SLC8A1: variants seen among roughly 807,000 people sequenced by gnomAD.
SLC8A1 encodes solute carrier family 8 member A1, also known as sodium/calcium exchanger 1.
SLC8A1 carries 18 observed loss-of-function variants against 68.3 expected under a neutral mutation model. The ratio of observed to expected loss-of-function variants is 0.26; its 90% CI spans 0.18 to 0.39. SLC8A1 has a LOEUF of 0.39. Ranked by LOEUF, SLC8A1 falls within the 10% of genes least tolerant of loss-of-function variation. The pLI, the probability that SLC8A1 is intolerant of heterozygous loss-of-function variation, is 1.00. For missense variants in SLC8A1, 985 were observed against 1,156.7 expected (o/e 0.85, Z 2.15); for synonymous variants, 475 against 415.5 (o/e 1.14, Z -1.74).
At chr2:40,466,719 A>G (rs1309501438) in intron 1 of SLC8A1, among the ~76,000 whole-genome samples, 1 of 152,132 alleles carries the variant, frequency 6.6e-6, no homozygotes, top group Non-Finnish European at 1.5e-5. Flanking sequence ...ATATTATAAT[A>G]CCTAATAATT....
intron 2 of SLC8A1, among the ~76,000 whole-genome samples, chr2:40,211,075 T>G (rs533165133): frequency 1.3e-3 from 201 of 152,308 alleles, no homozygotes; most frequent in African/African-American, 4.6e-3. Flanking sequence ...ATAATTGTTA[T>G]GTCAAGTTCA....
chr2:40,337,698 A>G (rs891043751), intron 2 of SLC8A1, among the ~76,000 whole-genome samples: 15 of 152,152 alleles, frequency 9.9e-5, no homozygotes, highest in African/African-American at 3.6e-4. Flanking sequence ...ACACTCCTAT[A>G]TTCCTACTTA....
intron 2 of SLC8A1, among the ~76,000 whole-genome samples, chr2:40,197,026 T>A (rs2053181339): frequency 6.6e-6 from 1 of 152,064 alleles, no homozygotes; most frequent in Non-Finnish European, 1.5e-5. Flanking sequence ...TTGTATAATT[T>A]TCCATTAGAA....
chr2:40,326,900 T>C (rs1319471601), intron 2 of SLC8A1, among the ~76,000 whole-genome samples: 2 of 152,190 alleles, frequency 1.3e-5, no homozygotes, highest in Non-Finnish European at 2.9e-5. Flanking sequence ...TGCAGAGGTA[T>C]TGATCCCAAG....
chr2:40,471,728 G>A (rs1001782041), intron 1 of SLC8A1, among the ~76,000 whole-genome samples: 3 of 152,150 alleles, frequency 2.0e-5, no homozygotes, highest in African/African-American at 7.2e-5. Flanking sequence ...AATGATTAAT[G>A]CAATTGCAAT....
intron 7 of SLC8A1, among the ~76,000 whole-genome samples, chr2:40,132,206 C>T (rs1384730806): frequency 6.6e-6 from 1 of 151,586 alleles, no homozygotes; most frequent in African/African-American, 2.4e-5. Context: ...AAAATAAGTC[C>T]AAGATGGCAC....
chr2:40,177,235 A>G (rs1189698232), intron 3 of SLC8A1, among the ~76,000 whole-genome samples: 1 of 152,162 alleles, frequency 6.6e-6, no homozygotes, highest in East Asian at 1.9e-4. Context: ...CTTTGTTCTT[A>G]TTAAATATTT....
At chr2:40,507,589 A>G (rs1706451125) in intron 1 of SLC8A1, among the ~76,000 whole-genome samples, 1 of 152,024 alleles carries the variant, frequency 6.6e-6, no homozygotes, top group Non-Finnish European at 1.5e-5. Context: ...TTTAAAAGGC[A>G]CGGAAATGAC....
intron 2 of SLC8A1, among the ~76,000 whole-genome samples, chr2:40,350,305 G>C (rs1670655524): frequency 2.6e-5 from 4 of 151,956 alleles, no homozygotes. Flanking sequence ...AGCAAATGGA[G>C]ACTCTGTCTC....
chr2:40,173,240 G>C (rs1279423380), intron 4 of SLC8A1, among the ~76,000 whole-genome samples: 1 of 152,020 alleles, frequency 6.6e-6, no homozygotes, highest in East Asian at 1.9e-4. Flanking sequence ...TGTTTACAAG[G>C]GGACTTCAAG....
chr2:40,115,849 G>C (rs536628361), intron 7 of SLC8A1, among the ~76,000 whole-genome samples: 95 of 152,342 alleles, frequency 6.2e-4, no homozygotes, highest in African/African-American at 2.1e-3. Flanking sequence ...AATGGACTGA[G>C]CAAGTGATCT....
At chr2:40,118,914 C>T (rs2036162174) in intron 7 of SLC8A1, among the ~76,000 whole-genome samples, 1 of 152,180 alleles carries the variant, frequency 6.6e-6, no homozygotes, top group East Asian at 1.9e-4. Context: ...CACTGGACTT[C>T]CTGGGTATCC....
At chr2:40,439,018 G>T (rs1216965802) in intron 1 of SLC8A1, among the ~76,000 whole-genome samples, 3 of 152,074 alleles carry the variant, frequency 2.0e-5, no homozygotes, top group African/African-American at 7.2e-5. Context: ...TAATATGTCA[G>T]CTGTGCTTTC....
intron 2 of SLC8A1, among the ~76,000 whole-genome samples, chr2:40,216,599 A>G (rs1478030445): frequency 6.6e-6 from 1 of 152,184 alleles, no homozygotes; most frequent in Non-Finnish European, 1.5e-5. Context: ...CAATGGCTGA[A>G]CTAATTTAAA....
intron 2 of SLC8A1, among the ~76,000 whole-genome samples, chr2:40,220,876 A>G (rs2058231866): frequency 6.7e-6 from 1 of 150,100 alleles, no homozygotes; most frequent in African/African-American, 2.4e-5. Context: ...TTTTTTCTTC[A>G]AAAAAAAAGT....
intron 2 of SLC8A1, among the ~76,000 whole-genome samples, chr2:40,354,373 T>G (rs1230249001): frequency 8.5e-6 from 1 of 117,210 alleles, no homozygotes; most frequent in East Asian, 2.2e-4. Context: ...AAGAGCTATT[T>G]CTTTACCTTC....
At chr2:40,352,032 C>G (rs1197821434) in intron 2 of SLC8A1, among the ~76,000 whole-genome samples, 2 of 152,058 alleles carry the variant, frequency 1.3e-5, no homozygotes, top group Non-Finnish European at 2.9e-5. Context: ...TTTTTAAAAC[C>G]AATGGACGTT....
intron 2 of SLC8A1, among the ~76,000 whole-genome samples, chr2:40,312,001 C>G (rs1294778901): frequency 6.6e-6 from 1 of 152,042 alleles, no homozygotes; most frequent in Non-Finnish European, 1.5e-5. Flanking sequence ...CCTTGCGTCT[C>G]AAAGAGGTAC....
At chr2:40,165,310 T>C (rs1223870947) in intron 4 of SLC8A1, among the ~76,000 whole-genome samples, 1 of 152,176 alleles carries the variant, frequency 6.6e-6, no homozygotes, top group Non-Finnish European at 1.5e-5. Flanking sequence ...AGCTATTCCC[T>C]GTGACGCTGG....
Sources: allele counts gnomAD v4.1 joint callset (sites outside exome capture counted in the v4.1 genomes callset), GRCh38; gene constraint gnomAD v4.1.1; transcripts MANE v1.5; gene names NCBI Gene and HGNC (gene_info 2026-07-23, HGNC 2026-07-21).